ZNF496: variants seen among roughly 807,000 people sequenced by gnomAD.
ZNF496 encodes the protein zinc finger protein 496, also known as NSD1 (nuclear receptor binding SET-domain containing 1)-interacting zinc finger protein 1.
ZNF496 carries 11 observed loss-of-function variants against 58.9 expected under a neutral mutation model. The observed-to-expected ratio is 0.19, with a 90% CI of 0.12 to 0.31. The LOEUF is 0.31. Ranked by LOEUF, ZNF496 falls within the 10% of genes least tolerant of loss-of-function variation. The probability of loss-of-function intolerance (pLI) is 1.00; values close to 1 mark genes in which losing one functional copy is unlikely to be tolerated. For missense variants in ZNF496, 660 were observed against 783.0 expected (o/e 0.84, Z 1.88); for synonymous variants, 338 against 318.2 (o/e 1.06, Z -0.66).
chr1:247,323,181 CTG>C lies in ZNF496; in HGVS notation c.622_623del (p.Gln208AlafsTer24), dbSNP rs1558156855. ...LLQEENVRDT[Q>X]QVTTLQLPPS... ...GGGGTAGCTGGAGGGTGGTCACCTG[CTG>C]TGTGTCCCGCACATTCTCTTCCTGA... is the stretch of plus-strand genomic sequence containing the variant. On this transcript the variant is annotated frameshift_variant, in exon 6 of 10. Coordinates refer to ENST00000682384, the MANE Select transcript of ZNF496 (RefSeq NM_032752.3). LOFTEE classifies it high-confidence loss of function. 1 of 1,614,080 alleles carries C rather than the reference CTG, an allele frequency of 6.2e-7. No homozygotes were observed. The highest frequency in any genetic ancestry group is 8.5e-7 in the Non-Finnish European group (1 of 1,179,956).
chr1:247,323,186 T>C lies in ZNF496; in HGVS notation c.619A>G (p.Thr207Ala). Reference sequence around the variant, plus strand: ...AGCTGGAGGGTGGTCACCTGCTGTGTGTCCCGCACATTCTCTTCCTGAAGA... The same window carrying C: ...AGCTGGAGGGTGGTCACCTGCTGTGCGTCCCGCACATTCTCTTCCTGAAGA... The part of the protein sequence containing the change: ...FLLQEENVRD[T>A]QQVTTLQLPP... Residue 207 changes from threonine (T) to alanine (A), a missense_variant, in exon 6 of 10, where the codon ACA (threonine) becomes GCA (alanine). By Grantham distance (58) the Thr-to-Ala change is moderately conservative. Coordinates refer to ENST00000682384, the MANE Select transcript of ZNF496 (RefSeq NM_032752.3). 6 of 1,614,162 alleles carry C rather than the reference T, an allele frequency of 3.7e-6. No homozygotes were observed. The highest frequency in any genetic ancestry group is 5.1e-6 in the Non-Finnish European group (6 of 1,179,974).
rs937686870 is a variant in ZNF496 at position 247,329,996 on chromosome 1, C to T, written c.-68G>A. 6.1e-5 allele frequency: 10 copies of T among 164,330 alleles called. No homozygotes were observed. Among genetic ancestry groups the T allele is most frequent in the Non-Finnish European group, 1.3e-4 (10 of 76,954 alleles). The allele number at this position is 164,330 out of a possible 1,614,324, so 10.2% of individuals were successfully genotyped here. On this transcript the variant is annotated 5_prime_UTR_variant, in exon 3 of 10. Transcript: ENST00000682384. This position sits in a 1 kb window ranked among gnomAD's most constrained non-coding sequence, Gnocchi z 5.5. The stretch of plus-strand genomic sequence containing the variant: ...GTGGCTGGGTCCTCCTGGAGAGATC[C>T]GAGATGGGCAGGCCAAGCAGGCCAC...
intron 9 of ZNF496, among the ~76,000 whole-genome samples, chr1:247,305,753 G>A (rs1659386466): frequency 6.6e-6 from 1 of 152,168 alleles, no homozygotes; most frequent in Non-Finnish European, 1.5e-5. Context: ...AAAAGATGAC[G>A]AATAAGTGTA....
In ZNF496 at chr1:247,310,436, C is replaced by T; in HGVS notation, c.672G>A (p.Lys224=). The change falls in exon 7 of 10, where the codon AAG becomes AAA. Residue 224 remains lysine, a synonymous_variant. Transcript: ENST00000682384. ...QLPPSRVSPF[K]DMILCFSEED... is the part of the protein sequence containing the mutation. Reference sequence around the variant, plus strand: ...CTTCAGAGAAGCATAAAATCATGTCCTTGAATGGAGAAACCCGACTCTGAA... The same window carrying T: ...CTTCAGAGAAGCATAAAATCATGTCTTTGAATGGAGAAACCCGACTCTGAA... 6.2e-7 allele frequency: 1 copy of T among 1,614,150 alleles called. No individual in the cohort carries two copies. The highest frequency in any genetic ancestry group is 8.5e-7 in the Non-Finnish European group (1 of 1,180,026).
intron 5 of ZNF496, among the ~76,000 whole-genome samples, chr1:247,324,808 G>C (rs1572092586): frequency 6.6e-6 from 1 of 152,310 alleles, no homozygotes; most frequent in East Asian, 1.9e-4. Context: ...TCCTGAAAGA[G>C]CATTTGACAC....
At chr1:247,301,825 A>G (rs749859644) in intron 9 of ZNF496, among the ~76,000 whole-genome samples, 1 of 152,216 alleles carries the variant, frequency 6.6e-6, no homozygotes, top group Non-Finnish European at 1.5e-5. Context: ...CCATGTTTAC[A>G]CATAAACTAA....
intron 6 of ZNF496, chr1:247,311,349 G>A (rs1273719441): frequency 6.6e-6 from 1 of 151,696 alleles, no homozygotes; most frequent in Non-Finnish European, 1.5e-5. Context: ...GCAGTGAGCT[G>A]AGATCATGCC....
chr1:247,327,973 T>C (rs1457533293), intron 5 of ZNF496, among the ~76,000 whole-genome samples: 1 of 152,166 alleles, frequency 6.6e-6, no homozygotes, highest in Admixed American at 6.5e-5. Context: ...GTTCAACCTT[T>C]TGTAGGTTGT....
At chr1:247,310,032 C>T (rs1350398877) in intron 7 of ZNF496, 1 of 1,426,372 alleles carries the variant, frequency 7.0e-7, no homozygotes, top group Admixed American at 2.9e-5. Flanking sequence ...GTAAAGCAGA[C>T]ATAAAGGGAC....
chr1:247,325,242 G>T (rs1375478127), intron 5 of ZNF496, among the ~76,000 whole-genome samples: 2 of 152,228 alleles, frequency 1.3e-5, no homozygotes, highest in Non-Finnish European at 1.5e-5. Flanking sequence ...GGTCTCAGTG[G>T]AAGGCAGCCT....
Position 247,301,116 on chromosome 1 carries a change from G to A in ZNF496, c.1167C>T (p.His389=). Residue 389 remains histidine, a synonymous_variant, in exon 10 of 10, where the codon CAC becomes CAT. Transcript: ENST00000682384. ...CGCCTCCGGCCTCGGTGCTGCTCCGGTGGGAGGCGGGGAGGCTGCGCTGCT... is the reference window on the plus strand; with the variant it reads ...CGCCTCCGGCCTCGGTGCTGCTCCGATGGGAGGCGGGGAGGCTGCGCTGCT... The part of the protein sequence containing the change: ...TEKQRSLPAS[H]RSSTEAGGEV... 1 of 1,613,814 alleles carries A rather than the reference G, an allele frequency of 6.2e-7. No homozygotes were observed. The highest frequency in any genetic ancestry group is 2.2e-5 in the East Asian group (1 of 44,862).
At chr1:247,316,203 G>C (rs1299358809) in intron 6 of ZNF496, among the ~76,000 whole-genome samples, 1 of 25,126 alleles carries the variant, frequency 4.0e-5, no homozygotes, top group Non-Finnish European at 1.1e-4. Context: ...GTGTGTGTGT[G>C]CGCGCGCGTG....
chr1:247,320,732 A>T (rs936360423), intron 6 of ZNF496, among the ~76,000 whole-genome samples: 4 of 152,274 alleles, frequency 2.6e-5, no homozygotes, highest in African/African-American at 9.6e-5. Context: ...TCATTTAAAA[A>T]GAAAAACAAA....
At chr1:247,321,855 TG>T (rs1447227986) in intron 6 of ZNF496, among the ~76,000 whole-genome samples, 2 of 152,240 alleles carry the variant, frequency 1.3e-5, no homozygotes, top group Non-Finnish European at 2.9e-5. Context: ...GATGCTGACA[TG>T]TATGTGTTGA....
At chr1:247,316,167 T>C (rs1034618127) in intron 6 of ZNF496, among the ~76,000 whole-genome samples, 6 of 132,582 alleles carry the variant, frequency 4.5e-5, no homozygotes, top group African/African-American at 1.7e-4. Context: ...TGTGTGTGTG[T>C]GTGTGCACGA....
At position 247,324,581 on chromosome 1, in the gene ZNF496, A is replaced by T. The variant is rs187341755; in HGVS notation, c.575-1351T>A. Among the ~76,000 whole-genome samples the T allele has an allele frequency of 7.2e-5, 11 of 152,076 alleles. No individual in the cohort carries two copies. The East Asian group carries it at 2.1e-3, about 29-fold the overall frequency. ...CACTAGGTTGCCTAGGCTGGAACAG[A>T]ACTCCTGAGCTCAAGGGATCCTCCC... On this transcript the variant is annotated intron_variant, in intron 5 of 9. Transcript: ENST00000682384.
chr1:247,328,933 C>T lies in ZNF496; in HGVS notation c.391-67G>A. On this transcript the variant is annotated intron_variant, in intron 4 of 9. Coordinates refer to ENST00000682384, the MANE Select transcript of ZNF496 (RefSeq NM_032752.3). ...TCCCATCTCTCCCTGGGCCTGGTGA[C>T]CATCCACTCCACAGCTGACCATCAA... 4.0e-6 allele frequency: 6 copies of T among 1,518,822 alleles called. No homozygotes were observed. In the South Asian group the frequency reaches 7.7e-5, roughly 20 times the overall value. 94.1% of individuals were successfully genotyped at this position (1,518,822 alleles called of 1,614,324 possible).
chr1:247,310,430 C>T lies in ZNF496; in HGVS notation c.678G>A (p.Met226Ile), dbSNP rs763820806. 6.2e-7 allele frequency: 1 copy of T among 1,614,172 alleles called. No individual in the cohort carries two copies. Among genetic ancestry groups the T allele is most frequent in the Non-Finnish European group, 8.5e-7 (1 of 1,180,036 alleles). ...AATCCTCTTCAGAGAAGCATAAAAT[C>T]ATGTCCTTGAATGGAGAAACCCGAC... ...PPSRVSPFKD[M>I]ILCFSEEDWS... is the part of the protein sequence containing the mutation. The change falls in exon 7 of 10, where the codon ATG (methionine) becomes ATA (isoleucine). Residue 226 changes from methionine to isoleucine, a missense_variant. Transcript: ENST00000682384.
At chr1:247,324,619 T>C (rs1244210756) in intron 5 of ZNF496, among the ~76,000 whole-genome samples, 2 of 152,092 alleles carry the variant, frequency 1.3e-5, no homozygotes, top group African/African-American at 4.8e-5. Flanking sequence ...CTCAGCCTCC[T>C]GAGTAGCTGG....
Sources: gnomAD v4.1 joint callset for allele counts (sites outside exome capture counted in the v4.1 genomes callset) on GRCh38, gnomAD v4.1.1 for gene constraint, Gnocchi (gnomAD v3.1) non-coding constraint, MANE v1.5 for transcripts, NCBI Gene and HGNC (gene_info 2026-07-23, HGNC 2026-07-21) for gene names.